HDGFL3: variants seen among roughly 807,000 people sequenced by gnomAD.
HDGFL3 encodes HDGF like 3.
Under a neutral mutation model 27.6 loss-of-function variants are expected in HDGFL3, and 6 were observed. That is an observed-to-expected ratio of 0.22 (90% CI 0.12 to 0.43). HDGFL3 has a LOEUF of 0.43. Ranked by LOEUF, HDGFL3 falls within the 20% of genes least tolerant of loss-of-function variation. HDGFL3 has a pLI of 1.00. For missense variants in HDGFL3, 207 were observed against 250.1 expected (o/e 0.83, Z 1.16); for synonymous variants, 88 against 88.9 (o/e 0.99, Z 0.05).
intron 1 of HDGFL3, among the ~76,000 whole-genome samples, chr15:83,205,638 A>G (rs2037707094): frequency 6.6e-6 from 1 of 152,230 alleles, no homozygotes; most frequent in South Asian, 2.1e-4. Context: ...GAAGATTTTA[A>G]AAAGCCATTA....
chr15:83,176,864 A>G (rs2037318543), intron 1 of HDGFL3, among the ~76,000 whole-genome samples: 1 of 144,686 alleles, frequency 6.9e-6, no homozygotes, highest in Non-Finnish European at 1.5e-5. Context: ...TAAAAAAAAA[A>G]AGTACAAAAT....
exon 4 of HDGFL3, chr15:83,113,171 A>G (rs926825124): frequency 2.0e-5 from 10 of 508,332 alleles, no homozygotes; most frequent in Non-Finnish European, 2.9e-5. Context: ...TTGACCTCTG[A>G]CCTCTGACCT....
chr15:83,125,285 T>C (rs964561334), downstream of HDGFL3, among the ~76,000 whole-genome samples: 42 of 152,216 alleles, frequency 2.8e-4, no homozygotes, highest in African/African-American at 9.4e-4. Flanking sequence ...AGTCTTTGTA[T>C]TGATGTGACT....
At chr15:83,167,607 A>G (rs186192057) in intron 1 of HDGFL3, among the ~76,000 whole-genome samples, 1 of 152,226 alleles carries the variant, frequency 6.6e-6, no homozygotes, top group Admixed American at 6.5e-5. Flanking sequence ...CATCATGAAG[A>G]ATTCAACTCA....
chr15:83,120,698 A>G (rs1252996893), intron 3 of HDGFL3, among the ~76,000 whole-genome samples: 4 of 149,774 alleles, frequency 2.7e-5, no homozygotes, highest in Non-Finnish European at 4.4e-5. Context: ...AGCTGGGACT[A>G]CAGGCGTGTG....
intron 4 of HDGFL3, among the ~76,000 whole-genome samples, chr15:83,153,282 T>C: frequency 6.6e-6 from 1 of 152,136 alleles, no homozygotes; most frequent in East Asian, 1.9e-4. Flanking sequence ...CCTCCCAAAG[T>C]GCTGGGATTA....
chr15:83,155,396 T>C (rs2151401073), intron 4 of HDGFL3, among the ~76,000 whole-genome samples: 1 of 152,298 alleles, frequency 6.6e-6, no homozygotes, highest in East Asian at 1.9e-4. Context: ...TAGGCAACAT[T>C]AGGTAGCTTA....
intron 1 of HDGFL3, among the ~76,000 whole-genome samples, chr15:83,165,441 T>C (rs2037157711): frequency 1.3e-5 from 2 of 152,124 alleles, no homozygotes; most frequent in Non-Finnish European, 2.9e-5. Flanking sequence ...GCCAGGTAGT[T>C]GTTAACTGTT....
chr15:83,173,418 G>C (rs1273432557), intron 1 of HDGFL3, among the ~76,000 whole-genome samples: 1 of 152,148 alleles, frequency 6.6e-6, no homozygotes, highest in Non-Finnish European at 1.5e-5. Flanking sequence ...TGGTAGCTTA[G>C]GTGTATTAAA....
chr15:83,175,125 C>T (rs940938952), intron 1 of HDGFL3, among the ~76,000 whole-genome samples: 4 of 152,180 alleles, frequency 2.6e-5, no homozygotes, highest in African/African-American at 9.7e-5. Context: ...AAAGAATGTG[C>T]TCTCAAGTTT....
At chr15:83,158,838 C>T (rs1394535075) in intron 2 of HDGFL3, among the ~76,000 whole-genome samples, 2 of 152,032 alleles carry the variant, frequency 1.3e-5, no homozygotes, top group Non-Finnish European at 2.9e-5. Context: ...TATTTATTCA[C>T]TATTATTTCT....
chr15:83,191,101 C>A (rs529404011), intron 1 of HDGFL3, among the ~76,000 whole-genome samples: 4 of 152,268 alleles, frequency 2.6e-5, no homozygotes, highest in African/African-American at 4.8e-5. Flanking sequence ...TCTGTATTCA[C>A]TTTCTATTCT....
At chr15:83,117,840 G>T (rs561633714) in intron 3 of HDGFL3, among the ~76,000 whole-genome samples, 59 of 152,228 alleles carry the variant, frequency 3.9e-4, no homozygotes, top group African/African-American at 1.3e-3. Context: ...GAGTGTCATG[G>T]GTTGGAAGGA....
chr15:83,183,770 A>G (rs897419720), intron 1 of HDGFL3, among the ~76,000 whole-genome samples: 4 of 151,436 alleles, frequency 2.6e-5, no homozygotes, highest in Non-Finnish European at 4.4e-5. Context: ...AAAAAAGAAA[A>G]AAAAAAAAAA....
chr15:83,189,525 T>C (rs191647272), intron 1 of HDGFL3: 2 of 152,382 alleles, frequency 1.3e-5, no homozygotes, highest in Admixed American at 1.3e-4. Flanking sequence ...TCCTTTATTA[T>C]ACAGAAACAC....
intron 4 of HDGFL3, among the ~76,000 whole-genome samples, chr15:83,156,278 T>C (rs1366597873): frequency 6.6e-6 from 1 of 152,194 alleles, no homozygotes; most frequent in African/African-American, 2.4e-5. Context: ...CAGAAAGCCC[T>C]GGCCACCCTA....
At chr15:83,178,313 T>C (rs183894019) in intron 1 of HDGFL3, among the ~76,000 whole-genome samples, 1 of 152,360 alleles carries the variant, frequency 6.6e-6, no homozygotes, top group African/African-American at 2.4e-5. Flanking sequence ...GAATTCTGTC[T>C]GATCTTAAAA....
intron 5 of HDGFL3, among the ~76,000 whole-genome samples, chr15:83,143,690 G>T (rs550243627): frequency 6.6e-6 from 1 of 152,318 alleles, no homozygotes; most frequent in African/African-American, 2.4e-5. Flanking sequence ...GCTGTGAAAG[G>T]CATTGTATGA....
chr15:83,122,883 T>C (rs776623591), downstream of HDGFL3: 3 of 1,613,818 alleles, frequency 1.9e-6, no homozygotes, highest in Admixed American at 5.0e-5. Flanking sequence ...TCAAAGGTGA[T>C]TTTATTAAGC....
Sources: gnomAD v4.1 joint callset for allele counts (sites outside exome capture counted in the v4.1 genomes callset) on GRCh38, gnomAD v4.1.1 for gene constraint, MANE v1.5 for transcripts, NCBI Gene and HGNC (gene_info 2026-07-23, HGNC 2026-07-21) for gene names.